Variants in NPAS3 observed in about 807,000 individuals in gnomAD.
NPAS3 encodes neuronal PAS domain protein 3.
In NPAS3, 14 loss-of-function variants were observed where a neutral mutation model predicts 73.1. That is an observed-to-expected ratio of 0.19 (90% CI 0.13 to 0.30). The LOEUF is 0.30. Ranked by LOEUF, NPAS3 falls within the 10% of genes least tolerant of loss-of-function variation. NPAS3 has a pLI of 1.00. For missense variants in NPAS3, 1,096 were observed against 1,250.0 expected, an observed-to-expected ratio of 0.88 and a Z score of 1.86; for synonymous variants, 620 against 541.5, an observed-to-expected ratio of 1.14 and a Z score of -2.01.
rs559594334 is a variant in NPAS3, at chr14:33,063,239, C to T, written c.140+7245C>T. Among the ~76,000 whole-genome samples the T allele has an allele frequency of 8.5e-5, 13 of 152,244 alleles. No individual in the cohort carries two copies. The South Asian group carries it at 1.2e-3, about 15-fold the overall frequency. Reference sequence around the variant, plus strand: ...TTACTGATCTTTTACCAGATGCCAACGTCAGGCACTGGGCTAATGGCTTAA... The same window carrying T: ...TTACTGATCTTTTACCAGATGCCAATGTCAGGCACTGGGCTAATGGCTTAA... On this transcript the variant is annotated intron_variant, in intron 2 of 11. Transcript: ENST00000356141.
At chr14:32,970,696 C>T (rs1279887542) in intron 1 of NPAS3, among the ~76,000 whole-genome samples, 3 of 152,088 alleles carry the variant, frequency 2.0e-5, no homozygotes, top group Non-Finnish European at 2.9e-5. Flanking sequence ...CTCCCTCTTA[C>T]CTTCTTCTGG....
intron 2 of NPAS3, among the ~76,000 whole-genome samples, chr14:33,108,067 C>A (rs2042776755): frequency 6.6e-6 from 1 of 152,118 alleles, no homozygotes; most frequent in South Asian, 2.1e-4. Flanking sequence ...ATTGGATTCC[C>A]AGTGCTACTA....
At chr14:33,769,756 CTTTTTTTTT>C (rs916953785) in intron 7 of NPAS3, among the ~76,000 whole-genome samples, 6 of 81,854 alleles carry the variant, frequency 7.3e-5, no homozygotes, top group Non-Finnish European at 1.1e-4. Flanking sequence ...TTTTTTTTTT[CTTTTTTTTT>C]TTTTTTTTTT....
At chr14:32,963,529 A>T (rs1251234845) in intron 1 of NPAS3, among the ~76,000 whole-genome samples, 1 of 152,136 alleles carries the variant, frequency 6.6e-6, no homozygotes, top group Non-Finnish European at 1.5e-5. Flanking sequence ...ATTGATGCCG[A>T]GGAGGGTAGA....
intron 2 of NPAS3, among the ~76,000 whole-genome samples, chr14:33,211,375 G>C (rs572205192): frequency 1.3e-5 from 2 of 152,294 alleles, no homozygotes; most frequent in Admixed American, 1.3e-4. Context: ...GAGGTCAGGA[G>C]TTAGAGACCA....
At position 33,141,370 on chromosome 14, in the gene NPAS3, A is replaced by G. The variant is rs553728027; in HGVS notation, c.141-73812A>G. 7.2e-5 allele frequency among the ~76,000 whole-genome samples: 11 copies of G among 152,282 alleles called. No homozygotes were observed. In the South Asian group the frequency reaches 8.3e-4, roughly 11 times the overall value. ...CTACTACTTTTTAGAATGGACTCCA[A>G]AGTGAATTGGCACGCTGGCCTCCAT... is the stretch of plus-strand genomic sequence containing the variant. On this transcript the variant is annotated intron_variant, in intron 2 of 11. Coordinates refer to ENST00000356141, the Ensembl canonical transcript of NPAS3.
chr14:33,722,794 T>C lies in NPAS3; in HGVS notation c.734-12420T>C, dbSNP rs568195067. Reference sequence around the variant, plus strand: ...GTATAAATAATGTTACTAAGAATATTCTCCAATAAATAACCCTCAATTCTT... The same window carrying C: ...GTATAAATAATGTTACTAAGAATATCCTCCAATAAATAACCCTCAATTCTT... On this transcript the variant is annotated intron_variant, in intron 6 of 11. Transcript: ENST00000356141. Among the ~76,000 whole-genome samples the C allele has an allele frequency of 2.0e-5, 3 of 152,274 alleles. No individual in the cohort carries two copies. In the South Asian group the frequency reaches 6.2e-4, roughly 32 times the overall value.
chr14:33,130,169 G>A (rs188792572), intron 2 of NPAS3, among the ~76,000 whole-genome samples: 141 of 152,200 alleles, frequency 9.3e-4, no homozygotes, highest in African/African-American at 3.1e-3. Flanking sequence ...TTCTTTATGC[G>A]TACGGCAGAC....
intron 4 of NPAS3, among the ~76,000 whole-genome samples, chr14:33,429,905 G>T (rs924284131): frequency 2.6e-5 from 4 of 152,162 alleles, no homozygotes; most frequent in African/African-American, 9.7e-5. Flanking sequence ...TATTGCAGAT[G>T]CCCTTGGGGA....
chr14:33,390,288 G>A, intron 4 of NPAS3, among the ~76,000 whole-genome samples: 1 of 152,086 alleles, frequency 6.6e-6, no homozygotes, highest in East Asian at 1.9e-4. Context: ...TTGTCATAAA[G>A]ACAGTGGTGA....
At chr14:33,127,485 C>T (rs562673693) in intron 2 of NPAS3, among the ~76,000 whole-genome samples, 1 of 152,184 alleles carries the variant, frequency 6.6e-6, no homozygotes, top group Non-Finnish European at 1.5e-5. Context: ...CGCTGTGTCT[C>T]TTGTGTTAGT....
chr14:33,452,497 G>T (rs1406209731), intron 4 of NPAS3, among the ~76,000 whole-genome samples: 1 of 152,262 alleles, frequency 6.6e-6, no homozygotes, highest in East Asian at 1.9e-4. Context: ...TCATGGCCGG[G>T]CGTGTTGGCT....
At chr14:33,489,085 A>T (rs1268624244) in intron 4 of NPAS3, among the ~76,000 whole-genome samples, 1 of 152,124 alleles carries the variant, frequency 6.6e-6, no homozygotes, top group African/African-American at 2.4e-5. Context: ...AGAGACAGTG[A>T]GGGTTTTGGT....
At chr14:33,699,556 A>G (rs758388098) in intron 6 of NPAS3, among the ~76,000 whole-genome samples, 8 of 152,216 alleles carry the variant, frequency 5.3e-5, no homozygotes, top group Admixed American at 5.2e-4. Flanking sequence ...GCAGCCCTGT[A>G]ACCTCTGGCA....
chr14:33,201,607 C>G (rs143342309), intron 2 of NPAS3, among the ~76,000 whole-genome samples: 85 of 152,328 alleles, frequency 5.6e-4, no homozygotes, highest in African/African-American at 1.9e-3. Flanking sequence ...CGTCCTGTGA[C>G]AGGCAGGCAA....
intron 5 of NPAS3, among the ~76,000 whole-genome samples, chr14:33,622,329 T>C (rs1347993079): frequency 6.6e-6 from 1 of 152,216 alleles, no homozygotes; most frequent in Non-Finnish European, 1.5e-5. Flanking sequence ...AAAAGCCATT[T>C]TACTGAAAGT....
chr14:33,381,070 G>C (rs187774805), intron 4 of NPAS3, among the ~76,000 whole-genome samples: 18 of 151,612 alleles, frequency 1.2e-4, no homozygotes, highest in African/African-American at 3.6e-4. Flanking sequence ...TAATATCAAT[G>C]ACTATTTTAA....
chr14:33,490,087 T>G (rs1165887920), intron 4 of NPAS3, among the ~76,000 whole-genome samples: 1 of 152,162 alleles, frequency 6.6e-6, no homozygotes, highest in Non-Finnish European at 1.5e-5. Flanking sequence ...AGAAAAAAGT[T>G]CTCTTTGTGC....
At chr14:33,009,350 G>A (rs547988962) in intron 1 of NPAS3, among the ~76,000 whole-genome samples, 11 of 152,274 alleles carry the variant, frequency 7.2e-5, no homozygotes, top group African/African-American at 2.6e-4. Context: ...ACAGTTGAGG[G>A]TCAGCTTCTT....
Sources: gnomAD v4.1 joint callset for allele counts (sites outside exome capture counted in the v4.1 genomes callset) on GRCh38, gnomAD v4.1.1 for gene constraint, MANE v1.5 for transcripts, NCBI Gene and HGNC (gene_info 2026-07-23, HGNC 2026-07-21) for gene names.